Variants in TTC28 observed in about 807,000 individuals in gnomAD.
The protein encoded by TTC28 is tetratricopeptide repeat domain 28.
Under a neutral mutation model 198.0 loss-of-function variants are expected in TTC28, and 61 were observed. The ratio of observed to expected loss-of-function variants is 0.31; its 90% CI spans 0.25 to 0.38. The LOEUF (loss-of-function observed/expected upper bound fraction) is 0.38. Ranked by LOEUF, TTC28 falls within the 10% of genes least tolerant of loss-of-function variation. The pLI is 1.00. For missense variants in TTC28, 2,678 were observed against 3,164.0 expected, an observed-to-expected ratio of 0.85 and a Z score of 3.69; for synonymous variants, 1,171 against 1,297.8, an observed-to-expected ratio of 0.90 and a Z score of 2.10.
rs922399422 is a variant in TTC28 at position 27,983,846 on chromosome 22, T to C, written c.5821A>G (p.Thr1941Ala). ...AGGCTGAGGCGCTTGGGTAGCTCAG[T>C]AGAATCTAAGCACAAAACACAAGGG... ...LQSLLSLFDS[T>A]ELPKRLSLDS... is the part of the protein sequence containing the mutation. The change falls in exon 23 of 23, where the codon ACT becomes GCT. Residue 1941 changes from threonine (T) to alanine (A), a missense_variant. This residue lies in a region of TTC28 where 314 missense variants were observed against 442.7 expected (regional missense o/e 0.71). Transcript: ENST00000397906. The C allele has an allele frequency of 1.3e-6, 2 of 1,549,022 alleles. No homozygotes were observed. The highest frequency in any genetic ancestry group is 1.4e-5 in the African/African-American group (1 of 72,912).
At chr22:28,487,048 G>A (rs938292875) in intron 2 of TTC28, among the ~76,000 whole-genome samples, 5 of 152,032 alleles carry the variant, frequency 3.3e-5, no homozygotes, top group East Asian at 3.9e-4. Context: ...AGTGGAGGCC[G>A]TCCCCAATTT....
chr22:28,543,770 C>G (rs2145939452), intron 2 of TTC28, among the ~76,000 whole-genome samples: 1 of 152,198 alleles, frequency 6.6e-6, no homozygotes, highest in African/African-American at 2.4e-5. Flanking sequence ...ATTATACTGA[C>G]AATGAAAGCA....
chr22:28,625,177 C>T (rs2051059307), intron 2 of TTC28, among the ~76,000 whole-genome samples: 2 of 152,176 alleles, frequency 1.3e-5, no homozygotes, highest in African/African-American at 4.8e-5. Context: ...TTCTAGTCAA[C>T]ATTGTACCGG....
intron 5 of TTC28, among the ~76,000 whole-genome samples, chr22:28,169,623 G>A (rs920919095): frequency 6.6e-5 from 10 of 152,048 alleles, no homozygotes; most frequent in Admixed American, 2.0e-4. Context: ...TGAACAATCA[G>A]AACACATGGA....
chr22:28,559,903 G>A (rs73168201), intron 2 of TTC28, among the ~76,000 whole-genome samples: 8,096 of 152,152 alleles, frequency 0.053, 314 homozygotes, highest in Non-Finnish European at 0.081. Context: ...CCTATGTGCT[G>A]GCAAATCTCA....
chr22:28,389,406 CA>C (rs1364888511), intron 2 of TTC28, among the ~76,000 whole-genome samples: 1 of 151,246 alleles, frequency 6.6e-6, no homozygotes, highest in Non-Finnish European at 1.5e-5. Flanking sequence ...GGAATAGTTT[CA>C]GAAGGAATGG....
chr22:27,978,659 T>C lies in TTC28; in HGVS notation c.*3562A>G, dbSNP rs1237672481. The C allele has an allele frequency of 6.6e-6, 1 of 152,230 alleles. No homozygotes were observed. Among genetic ancestry groups the C allele is most frequent in the Non-Finnish European group, 1.5e-5 (1 of 68,044 alleles). The allele number at this position is 152,230 out of a possible 1,614,324, so 9.4% of individuals were successfully genotyped here. ...GACCGTGAATTTTTAAAAAATGGAA[T>C]GGAGGTGAAAACTTTCATTTTGTGT... is the stretch of plus-strand genomic sequence containing the variant. On this transcript the variant is annotated 3_prime_UTR_variant, in exon 23 of 23. Coordinates refer to ENST00000397906, the MANE Select transcript of TTC28 (RefSeq NM_001145418.2).
rs575515448 is a variant in TTC28, at chr22:28,162,786, C to CA, written c.1441+305dup. Among the ~76,000 whole-genome samples the CA allele has an allele frequency of 1.0e-3, 153 of 152,150 alleles. 1 individual carries two copies. Among genetic ancestry groups the CA allele is most frequent in the African/African-American group, 3.5e-3 (145 of 41,512 alleles). The stretch of plus-strand genomic sequence containing the variant: ...CAACATAAGAAGACGCCTGTCTCTA[C>CA]AAAAAATTTAAAAAATAGCCAGGTG... On this transcript the variant is annotated intron_variant, in intron 6 of 22. Transcript: ENST00000397906.
chr22:28,202,660 A>T (rs1926074793), intron 5 of TTC28, among the ~76,000 whole-genome samples: 1 of 152,192 alleles, frequency 6.6e-6, no homozygotes, highest in South Asian at 2.1e-4. Context: ...AGAAAACCAC[A>T]GAATTTTACA....
intron 2 of TTC28, among the ~76,000 whole-genome samples, chr22:28,456,598 A>G (rs2047863431): frequency 6.6e-6 from 1 of 152,066 alleles, no homozygotes; most frequent in South Asian, 2.1e-4. Context: ...TTTCTTTGAG[A>G]CGAAGTCTCA....
At chr22:28,153,375 T>C (rs1347832542) in intron 6 of TTC28, among the ~76,000 whole-genome samples, 1 of 139,812 alleles carries the variant, frequency 7.2e-6, no homozygotes, top group Non-Finnish European at 1.5e-5. Flanking sequence ...ATGCTTTGGG[T>C]ATCCAGAAAC....
Position 28,163,367 on chromosome 22 carries a change from T to C in TTC28, c.1166A>G (p.Asn389Ser), listed in dbSNP as rs1006157932. Residue 389 changes from asparagine (N) to serine (S), a missense_variant, in exon 6 of 23, where the codon AAC becomes AGC. Transcript: ENST00000397906. Reference sequence around the variant, plus strand: ...ATAAGCCCGGGCCTCTTCTCGCTTGTTCCCCAGGTCCTTGGCTATCTTCAG... The same window carrying C: ...ATAAGCCCGGGCCTCTTCTCGCTTGCTCCCCAGGTCCTTGGCTATCTTCAG... The part of the protein sequence containing the change: ...QHLKIAKDLG[N>S]KREEARAYSN... The C allele has an allele frequency of 9.0e-6, 14 of 1,551,946 alleles. No homozygotes were observed. The highest frequency in any genetic ancestry group is 3.9e-5 in the Admixed American group (2 of 50,978).
At chr22:28,018,476 T>C (rs1006187177) in intron 13 of TTC28, among the ~76,000 whole-genome samples, 1 of 152,192 alleles carries the variant, frequency 6.6e-6, no homozygotes, top group African/African-American at 2.4e-5. Context: ...GCAGGAGGCA[T>C]CTGTGGCTAG....
chr22:28,564,563 G>A (rs1469521229), intron 2 of TTC28, among the ~76,000 whole-genome samples: 2 of 151,534 alleles, frequency 1.3e-5, no homozygotes, highest in Non-Finnish European at 2.9e-5. Flanking sequence ...TTATATTTTT[G>A]TCTGTGATAG....
At chr22:28,293,589 A>G (rs2044829252) in intron 5 of TTC28, among the ~76,000 whole-genome samples, 1 of 152,094 alleles carries the variant, frequency 6.6e-6, no homozygotes, top group African/African-American at 2.4e-5. Context: ...CATATTGCAT[A>G]CTCAAAATTT....
At chr22:28,639,386 G>C (rs1024789003) in intron 1 of TTC28, among the ~76,000 whole-genome samples, 3 of 152,204 alleles carry the variant, frequency 2.0e-5, no homozygotes, top group African/African-American at 7.2e-5. Context: ...CATTCACCAA[G>C]CTATTCTTAC....
rs901452760 is a variant in TTC28 at position 28,163,052 on chromosome 22, T to C, written c.1441+40A>G. 2.0e-6 allele frequency: 3 copies of C among 1,497,566 alleles called. No individual in the cohort carries two copies. The East Asian group carries it at 7.4e-5, about 37-fold the overall frequency. 92.8% of individuals were successfully genotyped at this position (1,497,566 alleles called of 1,614,324 possible). A position where few individuals can be genotyped will look rare whatever the true frequency, so the allele number is the denominator to read the frequency against. ...ATCTACTCCAGCTATTTCCAGCTCA[T>C]GACTTTGACCTGGGCTCTTACAGGC... On this transcript the variant is annotated intron_variant, in intron 6 of 22. Transcript: ENST00000397906.
At chr22:28,527,956 A>C (rs2049041706) in intron 2 of TTC28, among the ~76,000 whole-genome samples, 1 of 152,186 alleles carries the variant, frequency 6.6e-6, no homozygotes, top group Non-Finnish European at 1.5e-5. Flanking sequence ...AGCAAGACAG[A>C]ACAAGTGTGC....
chr22:28,280,411 C>T (rs368811215), intron 5 of TTC28, among the ~76,000 whole-genome samples: 2 of 151,878 alleles, frequency 1.3e-5, no homozygotes, highest in East Asian at 1.9e-4. Context: ...ACTGTAACCT[C>T]CGCCTCCGCC....
Sources: gnomAD v4.1 joint callset for allele counts (sites outside exome capture counted in the v4.1 genomes callset) on GRCh38, gnomAD v4.1.1 for gene constraint, gnomAD v4.1.1 regional missense constraint, MANE v1.5 for transcripts, NCBI Gene and HGNC (gene_info 2026-07-23, HGNC 2026-07-21) for gene names.